Variants in RUBCNL observed in about 807,000 individuals in gnomAD.
RUBCNL encodes rubicon like autophagy enhancer.
RUBCNL carries 62 observed loss-of-function variants against 69.5 expected under a neutral mutation model. That is an observed-to-expected ratio of 0.89 (90% confidence interval 0.73 to 1.10). RUBCNL has a LOEUF of 1.10. Among genes scored for constraint, RUBCNL ranks in the 50% least tolerant of loss-of-function variants. The pLI is 0.00. For missense variants in RUBCNL, 768 were observed against 798.1 expected (o/e 0.96, Z 0.45); for synonymous variants, 291 against 303.6 (o/e 0.96, Z 0.43).
At chr13:46,345,129 C>T (rs922254712) in intron 13 of RUBCNL, among the ~76,000 whole-genome samples, 11 of 152,176 alleles carry the variant, frequency 7.2e-5, no homozygotes, top group African/African-American at 2.7e-4. Flanking sequence ...TTCTTCAATC[C>T]GTGTAGACAC....
chr13:46,387,020 T>C, intron 1 of RUBCNL, 114 bp downstream of exon 1: 1 of 898,252 alleles, frequency 1.1e-6, no homozygotes. Context: ...GGCACAAACC[T>C]CTCTGGCGCC....
chr13:46,343,561 A>AT, intron 14 of RUBCNL, 64 bp from the exon 15 acceptor site: 1 of 1,521,328 alleles, frequency 6.6e-7, no homozygotes, highest in Non-Finnish European at 9.0e-7. Context: ...TTCTGCAGAC[A>AT]TTCGTCTCCA....
upstream of RUBCNL, chr13:46,387,903 T>C: frequency 1.0e-6 from 1 of 964,548 alleles, no homozygotes; most frequent in African/African-American, 1.8e-5. Context: ...CAGAAAGTTG[T>C]CACGAATAGA....
At position 46,338,670 on chromosome 13, in the gene RUBCNL, C is replaced by A. The variant is rs1010707456; in HGVS notation, c.*4715G>T. ...TCCCAGGCAAGGGATGCAAGAAGAA[C>A]AAGACCATGGAGGCAGGAACACGGC... On this transcript the variant is annotated 3_prime_UTR_variant, in exon 15 of 15. Coordinates refer to ENST00000429979, the MANE Select transcript of RUBCNL (RefSeq NM_025113.5). 6.6e-6 allele frequency among the ~76,000 whole-genome samples: 1 copy of A among 152,056 alleles called. No homozygotes were observed. Among genetic ancestry groups the A allele is most frequent in the African/African-American group, 2.4e-5 (1 of 41,410 alleles).
At chr13:46,376,549 T>G (rs2048999220) in intron 2 of RUBCNL, among the ~76,000 whole-genome samples, 1 of 152,124 alleles carries the variant, frequency 6.6e-6, no homozygotes, top group Non-Finnish European at 1.5e-5. Context: ...GTGCACCAAT[T>G]TCTCTTTGTC....
intron 9 of RUBCNL, among the ~76,000 whole-genome samples, chr13:46,358,578 G>A (rs894737867): frequency 3.3e-5 from 5 of 151,952 alleles, no homozygotes; most frequent in Non-Finnish European, 5.9e-5. Flanking sequence ...TTTTGAGATC[G>A]AGTCTCGCTC....
intron 5 of RUBCNL, among the ~76,000 whole-genome samples, chr13:46,364,919 C>G (rs1458729170): frequency 1.3e-5 from 2 of 152,080 alleles, no homozygotes; most frequent in Non-Finnish European, 2.9e-5. Flanking sequence ...TTACACCCAA[C>G]CACTATTTAT....
rs1034228645 is a variant in RUBCNL at position 46,335,610 on chromosome 13, C to A, written c.*7775G>T. On this transcript the variant is annotated 3_prime_UTR_variant, in exon 15 of 15. Coordinates refer to ENST00000429979, the MANE Select transcript of RUBCNL (RefSeq NM_025113.5). Reference sequence around the variant, plus strand: ...CAATTATAAAATAGCAGCAATGCTACGTAGTTCAATCTAATAGAAGTTCAG... The same window carrying A: ...CAATTATAAAATAGCAGCAATGCTAAGTAGTTCAATCTAATAGAAGTTCAG... Among the ~76,000 whole-genome samples, 1 of 152,282 alleles carries A rather than the reference C, an allele frequency of 6.6e-6. No homozygotes were observed. Among genetic ancestry groups the A allele is most frequent in the Non-Finnish European group, 1.5e-5 (1 of 68,020 alleles).
intron 2 of RUBCNL, among the ~76,000 whole-genome samples, chr13:46,373,551 C>T (rs1046173722): frequency 6.6e-6 from 1 of 152,222 alleles, no homozygotes; most frequent in Non-Finnish European, 1.5e-5. Flanking sequence ...TTGAGAGCTA[C>T]ACAAACAAGA....
Position 46,350,200 on chromosome 13 carries a change from G to A in RUBCNL, c.1482C>T (p.Leu494=), listed in dbSNP as rs371814111. Reference sequence around the variant, plus strand: ...AAATGGGCTGGTGCCATATGCTGTCGAGCAGCTGTTTGGAGAAATTGCTGA... The same window carrying A: ...AAATGGGCTGGTGCCATATGCTGTCAAGCAGCTGTTTGGAGAAATTGCTGA... ...YYVSNFSKQL[L]DSIWHQPIFN... Residue 494 remains leucine (L), a synonymous_variant, in exon 11 of 15, where the codon CTC becomes CTT. Transcript: ENST00000429979. 42 of 1,592,188 alleles carry A rather than the reference G, an allele frequency of 2.6e-5. No individual in the cohort carries two copies. Among genetic ancestry groups the A allele is most frequent in the Non-Finnish European group, 3.2e-5 (37 of 1,169,104 alleles).
At chr13:46,377,760 TG>T in intron 2 of RUBCNL, 129 bp downstream of exon 2, 2 of 531,834 alleles carry the variant, frequency 3.8e-6, no homozygotes, top group Middle Eastern at 2.9e-4. Context: ...AACCAGCAGG[TG>T]CTGCTTTGCC....
At chr13:46,357,507 A>T (rs1055883495) in intron 9 of RUBCNL, among the ~76,000 whole-genome samples, 5 of 152,136 alleles carry the variant, frequency 3.3e-5, no homozygotes, top group African/African-American at 1.2e-4. Flanking sequence ...ACACCAAAAG[A>T]TGATGCACTT....
upstream of RUBCNL, chr13:46,389,874 T>C (rs1229991356): frequency 6.6e-6 from 1 of 152,228 alleles, no homozygotes; most frequent in African/African-American, 2.4e-5. This position sits in a 1 kb window ranked among gnomAD's most constrained non-coding sequence, Gnocchi z 4.2. Flanking sequence ...AATTTCCTGA[T>C]TGGTTAATTC....
chr13:46,361,365 T>C, intron 8 of RUBCNL, 76 bp downstream of exon 8: 6 of 1,507,576 alleles, frequency 4.0e-6, no homozygotes, highest in Non-Finnish European at 5.4e-6. Flanking sequence ...GAAAGACAAA[T>C]GTTTAAAGTG....
At position 46,354,752 on chromosome 13, in the gene RUBCNL, C is replaced by T. The variant is rs182949672; in HGVS notation, c.1330+1680G>A. The T allele has an allele frequency of 1.9e-3, 878 of 456,606 alleles. 2 individuals are homozygous for T. The highest frequency in any genetic ancestry group is 3.0e-3 in the Non-Finnish European group (691 of 226,920). 28.3% of individuals were successfully genotyped at this position (456,606 alleles called of 1,614,324 possible). A position where few individuals can be genotyped will look rare whatever the true frequency, so the allele number is the denominator to read the frequency against. On this transcript the variant is annotated intron_variant, in intron 10 of 14. Coordinates refer to ENST00000429979, the MANE Select transcript of RUBCNL (RefSeq NM_025113.5). The stretch of plus-strand genomic sequence containing the variant: ...TTGTTACGTACATCACTTTGTGTTA[C>T]ATACACTTACTTGGCTGATGAGTGT...
chr13:46,364,990 C>T (rs1310206952), intron 5 of RUBCNL, among the ~76,000 whole-genome samples: 1 of 152,080 alleles, frequency 6.6e-6, no homozygotes, highest in Non-Finnish European at 1.5e-5. Flanking sequence ...GACAATTTCT[C>T]AGCCATCTAA....
At chr13:46,356,022 T>C (rs1487533163) in intron 10 of RUBCNL, among the ~76,000 whole-genome samples, 1 of 152,162 alleles carries the variant, frequency 6.6e-6, no homozygotes, top group Non-Finnish European at 1.5e-5. Context: ...GTATTTTAGA[T>C]AGGGCAGCAA....
intron 10 of RUBCNL, among the ~76,000 whole-genome samples, chr13:46,354,011 G>C (rs780727095): frequency 1.3e-5 from 2 of 152,170 alleles, no homozygotes; most frequent in Non-Finnish European, 2.9e-5. Flanking sequence ...TATGAAATTT[G>C]ATTGCAACCT....
At chr13:46,388,456 G>C (rs957765644), upstream of RUBCNL, among the ~76,000 whole-genome samples, 1 of 148,950 alleles carries the variant, frequency 6.7e-6, no homozygotes, top group Admixed American at 6.8e-5. Context: ...AAGGAAGGAA[G>C]GAAGGTAGAA....
Sources: gnomAD v4.1 joint callset for allele counts (sites outside exome capture counted in the v4.1 genomes callset) on GRCh38, gnomAD v4.1.1 for gene constraint, Gnocchi (gnomAD v3.1) non-coding constraint, MANE v1.5 for transcripts, NCBI Gene and HGNC (gene_info 2026-07-23, HGNC 2026-07-21) for gene names.